Variants in SLC17A2 observed in about 807,000 individuals in gnomAD.
SLC17A2 encodes sodium-dependent phosphate transport protein 3.
A neutral mutation model predicts 52.1 loss-of-function variants in SLC17A2; 38 were observed. The observed-to-expected ratio is 0.73, with a 90% CI of 0.56 to 0.96. SLC17A2 has a LOEUF of 0.96. Among genes scored for constraint, SLC17A2 ranks in the 40% least tolerant of loss-of-function variants. SLC17A2 has a pLI of 0.00. For missense variants in SLC17A2, 508 were observed against 583.9 expected, an observed-to-expected ratio of 0.87 and a Z score of 1.34; for synonymous variants, 226 against 211.9, an observed-to-expected ratio of 1.07 and a Z score of -0.58.
intron 7 of SLC17A2, 29 bp downstream of exon 7, chr6:25,916,940 G>T (rs746976008): frequency 1.9e-6 from 3 of 1,602,342 alleles, no homozygotes; most frequent in Middle Eastern, 3.3e-4. Flanking sequence ...ACCTCTGCAT[G>T]GGCCACAGGT....
chr6:25,920,178 G>T (rs1766498429), intron 5 of SLC17A2, among the ~76,000 whole-genome samples: 1 of 152,212 alleles, frequency 6.6e-6, no homozygotes. Flanking sequence ...CAAGAACGCA[G>T]GAGGGTTGCT....
chr6:25,913,561 A>T (rs1006988818), intron 11 of SLC17A2, 110 bp from the exon 12 acceptor site: 1 of 1,052,846 alleles, frequency 9.5e-7, no homozygotes, highest in Admixed American at 2.3e-5. Flanking sequence ...AATATAAGGA[A>T]CAATGTGCAG....
intron 8 of SLC17A2, 111 bp downstream of exon 8, chr6:25,916,574 G>A (rs1262257689): frequency 5.7e-6 from 5 of 880,508 alleles, no homozygotes; most frequent in Non-Finnish European, 7.2e-6. Context: ...CAAGGTCATT[G>A]TGAAGGTTAA....
intron 6 of SLC17A2, among the ~76,000 whole-genome samples, chr6:25,917,578 C>T (rs1389539681): frequency 6.6e-6 from 1 of 152,108 alleles, no homozygotes; most frequent in African/African-American, 2.4e-5. Context: ...TATGGATTCC[C>T]AAAAGAAATA....
chr6:25,916,169 C>T (rs768643053), intron 8 of SLC17A2, among the ~76,000 whole-genome samples: 3 of 152,172 alleles, frequency 2.0e-5, no homozygotes, highest in Non-Finnish European at 4.4e-5. Context: ...CAACCTCCAC[C>T]TCCTGGGTTC....
chr6:25,913,767 T>C (rs139356172), intron 11 of SLC17A2, among the ~76,000 whole-genome samples: 1 of 114,580 alleles, frequency 8.7e-6, no homozygotes, highest in African/African-American at 3.8e-5. Context: ...TGTTTGTGTC[T>C]TCTCTGTTTT....
chr6:25,913,343 TG>T lies in SLC17A2; in HGVS notation c.1410del (p.Glu472ArgfsTer15). The T allele has an allele frequency of 6.2e-7, 1 of 1,614,186 alleles. No homozygotes were observed. The highest frequency in any genetic ancestry group is 1.1e-5 in the South Asian group (1 of 91,080). ...CAGAGGCGGGTAAGGGTCCTCTCTT[TG>T]GCCCAGTCTTGAAGTTCTGCTTGTC... ...TFGQAELQDW[A>X]KERTLTRL On this transcript the variant is annotated frameshift_variant, in exon 12 of 12. Coordinates refer to ENST00000377850, the MANE Select transcript of SLC17A2 (RefSeq NM_001286123.3). LOFTEE classifies it high-confidence loss of function.
chr6:25,916,878 T>C, intron 7 of SLC17A2, 32 bp from the exon 8 acceptor site: 1 of 1,613,720 alleles, frequency 6.2e-7, no homozygotes, highest in Non-Finnish European at 8.5e-7. Flanking sequence ...GCATGAGTAT[T>C]AGAGCAGCCA....
In SLC17A2 at chr6:25,923,865, T is replaced by A. The variant is rs1275575995; in HGVS notation, c.70A>T (p.Met24Leu). 3 of 1,614,074 alleles carry A rather than the reference T, an allele frequency of 1.9e-6. No individual in the cohort carries two copies. The African/African-American group carries it at 4.0e-5, about 22-fold the overall frequency. ...ATCATGGTGAAGTTTGAGAAGTGCA[T>A]GATAAGAGCCAGCCCATAGCGTAAT... ...CSLRYGLALIMHFSNFTMITQ... is the reference protein window; with the variant it reads ...CSLRYGLALILHFSNFTMITQ... The change falls in exon 3 of 12, where the codon ATG becomes TTG. Residue 24 changes from methionine (M) to leucine (L), a missense_variant. Coordinates refer to ENST00000377850, the MANE Select transcript of SLC17A2 (RefSeq NM_001286123.3).
chr6:25,916,613 T>C, intron 8 of SLC17A2, 72 bp downstream of exon 8: 2 of 1,264,176 alleles, frequency 1.6e-6, no homozygotes, highest in Non-Finnish European at 2.3e-6. Context: ...AGCCAGAATG[T>C]AATAGGTAAC....
At chr6:25,913,829 G>A (rs1186371771) in intron 11 of SLC17A2, among the ~76,000 whole-genome samples, 1 of 150,360 alleles carries the variant, frequency 6.7e-6, no homozygotes, top group Non-Finnish European at 1.5e-5. Flanking sequence ...TTCTGTATTG[G>A]CTGTTGACAA....
intron 8 of SLC17A2, among the ~76,000 whole-genome samples, chr6:25,916,476 T>C (rs1766321513): frequency 6.6e-6 from 1 of 152,190 alleles, no homozygotes; most frequent in South Asian, 2.1e-4. Context: ...CTCTATCACT[T>C]AGTATTGTGC....
At chr6:25,921,139 A>G (rs934993002) in intron 4 of SLC17A2, 40 bp downstream of exon 4, 8 of 1,613,670 alleles carry the variant, frequency 5.0e-6, no homozygotes, top group Non-Finnish European at 6.8e-6. Flanking sequence ...TAGAATTCAG[A>G]AATCTGGATC....
At chr6:25,924,100 T>C (rs563470885) in intron 2 of SLC17A2, among the ~76,000 whole-genome samples, 194 bp from the exon 3 acceptor site, 5 of 152,324 alleles carry the variant, frequency 3.3e-5, no homozygotes, top group Admixed American at 2.0e-4. Context: ...GAATATGGGA[T>C]CTTATAACCA....
rs1488799570 is a variant in SLC17A2, at chr6:25,930,264, A to T, written c.-84+13T>A. On this transcript the variant is annotated intron_variant, in intron 1 of 11. Transcript: ENST00000377850. Reference sequence around the variant, plus strand: ...CCAGTCTGACTAATCACAGCATCACAGTTAATACTCACAGCGTCCTTGGAG... The same window carrying T: ...CCAGTCTGACTAATCACAGCATCACTGTTAATACTCACAGCGTCCTTGGAG... 3.9e-5 allele frequency: 6 copies of T among 152,362 alleles called. No individual in the cohort carries two copies. The highest frequency in any genetic ancestry group is 3.9e-4 in the Admixed American group (6 of 15,282). 9.4% of individuals were successfully genotyped at this position (152,362 alleles called of 1,614,324 possible). A position where few individuals can be genotyped will look rare whatever the true frequency, so the allele number is the denominator to read the frequency against.
rs141137330 is a variant in SLC17A2, at chr6:25,925,790, C to T, written c.7G>A (p.Gly3Arg). 21 of 1,614,046 alleles carry T rather than the reference C, an allele frequency of 1.3e-5. No individual in the cohort carries two copies. The highest frequency in any genetic ancestry group is 9.3e-5 in the African/African-American group (7 of 74,922). ...TTACCTTTCCTGGTGGCAGGCTTCC[C>T]GTCCATTTAGCTTCTGTGGGAAATG... MDGKPATRKGPDF... is the reference protein window; with the variant it reads MDRKPATRKGPDF... The change falls in exon 2 of 12, where the codon GGG becomes AGG. Residue 3 changes from glycine to arginine, a missense_variant. By Grantham distance (125) the Gly-to-Arg change is moderately radical. Transcript: ENST00000377850.
intron 1 of SLC17A2, among the ~76,000 whole-genome samples, chr6:25,927,625 T>A (rs1287756990): frequency 6.6e-6 from 1 of 152,260 alleles, no homozygotes; most frequent in Non-Finnish European, 1.5e-5. Context: ...TTCATCAGCA[T>A]GGCAAGTATA....
At position 25,925,762 on chromosome 6, in the gene SLC17A2, G is replaced by A; in HGVS notation, c.28+7C>T. 1.9e-6 allele frequency: 3 copies of A among 1,613,590 alleles called. No homozygotes were observed. The highest frequency in any genetic ancestry group is 2.5e-6 in the Non-Finnish European group (3 of 1,179,490). On this transcript the variant is annotated splice_region_variant and intron_variant, in intron 2 of 11. Coordinates refer to ENST00000377850, the MANE Select transcript of SLC17A2 (RefSeq NM_001286123.3). ...ACATAGCCTGCAAACAAGAGCAGTG[G>A]CTTTACCTTTCCTGGTGGCAGGCTT...
At chr6:25,927,152 G>GTGT (rs1766796938) in intron 1 of SLC17A2, among the ~76,000 whole-genome samples, 1 of 152,128 alleles carries the variant, frequency 6.6e-6, no homozygotes, top group African/African-American at 2.4e-5. Context: ...AAATTTAAAA[G>GTGT]ACTTGTCCGT....
Sources: allele counts gnomAD v4.1 joint callset (sites outside exome capture counted in the v4.1 genomes callset), GRCh38; gene constraint gnomAD v4.1.1; transcripts MANE v1.5; gene names NCBI Gene and HGNC (gene_info 2026-07-23, HGNC 2026-07-21).